The following HTRA3 variants were observed in gnomAD, a reference collection of about 807,000 sequenced individuals.
HTRA3 encodes the protein serine protease HTRA3.
A neutral mutation model predicts 43.2 loss-of-function variants in HTRA3; 41 were observed. That is an observed-to-expected ratio of 0.95 (90% CI 0.74 to 1.23). The LOEUF is 1.23. Ranked by LOEUF, HTRA3 falls within the 50% of genes most tolerant of loss-of-function variation. HTRA3 has a pLI of 0.00. For synonymous variants in HTRA3, 295 were observed against 287.9 expected, an observed-to-expected ratio of 1.02 and a Z score of -0.25; for missense variants, 628 against 647.1, an observed-to-expected ratio of 0.97 and a Z score of 0.32.
intron 6 of HTRA3, among the ~76,000 whole-genome samples, chr4:8,299,028 C>A (rs1299168372): frequency 6.6e-6 from 1 of 152,186 alleles, no homozygotes; most frequent in East Asian, 1.9e-4. Context: ...ATAAAGCCTG[C>A]TGATGATCTG....
intron 2 of HTRA3, among the ~76,000 whole-genome samples, chr4:8,284,769 G>T (rs556379569): frequency 6.6e-6 from 1 of 152,326 alleles, no homozygotes; most frequent in East Asian, 1.9e-4. Context: ...CCCCTGCTTT[G>T]CCCTTTGCCT....
At position 8,296,507 on chromosome 4, in the gene HTRA3, A is replaced by G. The variant is rs1280140498; in HGVS notation, c.1051+2306A>G. 3.0e-6 allele frequency: 3 copies of G among 985,128 alleles called. No homozygotes were observed. Among genetic ancestry groups the G allele is most frequent in the Non-Finnish European group, 3.6e-6 (3 of 829,746 alleles). 61.0% of individuals were successfully genotyped at this position (985,128 alleles called of 1,614,324 possible). On this transcript the variant is annotated intron_variant, in intron 6 of 8. Coordinates refer to ENST00000307358, the MANE Select transcript of HTRA3 (RefSeq NM_053044.5). This position sits in a 1 kb window ranked among gnomAD's most constrained non-coding sequence, Gnocchi z 5.3. The stretch of plus-strand genomic sequence containing the variant: ...AATCTAAAGTTCTTTGAAATGAACC[A>G]TCTTTTTATTAAATCAAGGAGATGT...
At chr4:8,298,405 C>T (rs760070427) in intron 6 of HTRA3, among the ~76,000 whole-genome samples, 4 of 152,190 alleles carry the variant, frequency 2.6e-5, no homozygotes, top group Non-Finnish European at 5.9e-5. Flanking sequence ...TGGATAGGAG[C>T]CCTTTATCAG....
chr4:8,301,703 A>C (rs1297387888), intron 6 of HTRA3, among the ~76,000 whole-genome samples: 2 of 152,198 alleles, frequency 1.3e-5, no homozygotes, highest in African/African-American at 4.8e-5. Flanking sequence ...TCTACAACCT[A>C]CAAATTTTAA....
intron 6 of HTRA3, among the ~76,000 whole-genome samples, chr4:8,301,508 GCTTTATTATTAATTCACACTCAA>G (rs1382957015): frequency 2.0e-5 from 3 of 152,084 alleles, no homozygotes; most frequent in Non-Finnish European, 4.4e-5. Flanking sequence ...CACACTCTCA[GCTTTATTATTAATTCACACTCAA>G]CTTTATTATT....
intron 1 of HTRA3, among the ~76,000 whole-genome samples, chr4:8,273,494 A>G (rs1712381988): frequency 1.3e-5 from 2 of 152,006 alleles, no homozygotes; most frequent in Non-Finnish European, 2.9e-5. Flanking sequence ...CTAGGCAGGA[A>G]GGTCTCCTTG....
intron 7 of HTRA3, 113 bp downstream of exon 7, chr4:8,302,624 G>A: frequency 1.0e-6 from 1 of 960,976 alleles, no homozygotes; most frequent in South Asian, 1.3e-5. Context: ...GCCCAGACGG[G>A]CCGATGCACT....
chr4:8,296,351 G>A lies in HTRA3; in HGVS notation c.1051+2150G>A, dbSNP rs953354510. ...GTGTCCCCTCCCCAAGGACAGTGCA[G>A]ACTAACTGAGGAGCCTGATAAACCT... On this transcript the variant is annotated intron_variant, in intron 6 of 8. Transcript: ENST00000307358. The surrounding 1 kb of genome is among the most constrained non-coding windows in gnomAD (Gnocchi z 5.3). The A allele has an allele frequency of 2.0e-6, 2 of 985,336 alleles. No homozygotes were observed. The highest frequency in any genetic ancestry group is 3.5e-5 in the African/African-American group (2 of 57,234). 61.0% of individuals were successfully genotyped at this position (985,336 alleles called of 1,614,324 possible). A position where few individuals can be genotyped will look rare whatever the true frequency, so the allele number is the denominator to read the frequency against.
At position 8,294,117 on chromosome 4, in the gene HTRA3, A is replaced by C; in HGVS notation, c.967A>C (p.Lys323Gln). The change falls in exon 6 of 9, where the codon AAG becomes CAG. Residue 323 changes from lysine (K) to glutamine (Q), a missense_variant. Lys to Gln is a moderately conservative substitution (Grantham distance 53). Transcript: ENST00000307358. The stretch of plus-strand genomic sequence containing the variant: ...CGAGGTCATTGGCATCAACACGCTC[A>C]AGGTCACGGCTGGCATCTCCTTTGC... ...DGEVIGINTL[K>Q]VTAGISFAIP... 6.2e-7 allele frequency: 1 copy of C among 1,612,246 alleles called. No individual in the cohort carries two copies. The highest frequency in any genetic ancestry group is 8.5e-7 in the Non-Finnish European group (1 of 1,179,130).
At chr4:8,300,841 A>G (rs1470131680) in intron 6 of HTRA3, among the ~76,000 whole-genome samples, 1 of 150,002 alleles carries the variant, frequency 6.7e-6, no homozygotes, top group East Asian at 2.0e-4. Flanking sequence ...TATTAGATTC[A>G]CACTTTATTA....
At chr4:8,302,032 T>C (rs1245209505) in intron 6 of HTRA3, among the ~76,000 whole-genome samples, 1 of 152,194 alleles carries the variant, frequency 6.6e-6, no homozygotes, top group East Asian at 1.9e-4. Flanking sequence ...TAGTACTCAC[T>C]GGACATTAGC....
At chr4:8,270,752 T>A (rs1712237237) in intron 1 of HTRA3, among the ~76,000 whole-genome samples, 2 of 152,178 alleles carry the variant, frequency 1.3e-5, no homozygotes, top group Non-Finnish European at 2.9e-5. Flanking sequence ...TCTTGGGTGA[T>A]GCCTTCTTTC....
Position 8,302,490 on chromosome 4 carries a change from G to C in HTRA3, c.1079G>C (p.Arg360Pro), listed in dbSNP as rs1246074751. Reference sequence around the variant, plus strand: ...TGGAAGAAGCGCTTCATCGGCATACGGATGCGGACGATCACACCAAGGTGA... The same window carrying C: ...TGGAAGAAGCGCTTCATCGGCATACCGATGCGGACGATCACACCAAGGTGA... ...KDWKKRFIGI[R>P]MRTITPSLVD... The change falls in exon 7 of 9, where the codon CGG becomes CCG. Residue 360 changes from arginine to proline, a missense_variant. Physicochemically the swap from Arg to Pro is moderately radical, Grantham distance 103 (BLOSUM62 -2). Transcript: ENST00000307358. 1.9e-6 allele frequency: 3 copies of C among 1,614,034 alleles called. No individual in the cohort carries two copies. The highest frequency in any genetic ancestry group is 2.5e-6 in the Non-Finnish European group (3 of 1,179,992).
intron 2 of HTRA3, among the ~76,000 whole-genome samples, chr4:8,283,063 C>G (rs541421877): frequency 6.6e-6 from 1 of 152,104 alleles, no homozygotes; most frequent in Non-Finnish European, 1.5e-5. Context: ...CACCGAGGCC[C>G]GTGTGGCCGG....
chr4:8,276,749 G>C (rs1712540165), intron 1 of HTRA3, among the ~76,000 whole-genome samples: 1 of 152,238 alleles, frequency 6.6e-6, no homozygotes, highest in South Asian at 2.1e-4. Context: ...CCCACATTGA[G>C]CTCGGGTCTA....
chr4:8,278,279 C>G (rs1237432324), intron 1 of HTRA3, among the ~76,000 whole-genome samples: 1 of 151,980 alleles, frequency 6.6e-6, no homozygotes, highest in East Asian at 1.9e-4. Context: ...TGCGCCCCTT[C>G]CTCTCCTGGG....
chr4:8,301,551 TTTTA>T lies in HTRA3; in HGVS notation c.1052-911_1052-908del, dbSNP rs1163864091. ...ACTCAACTTTATTATTGATTCAGAC[TTTTA>T]ATTATTTTTTTTCTTCTGGTTATTC... On this transcript the variant is annotated intron_variant, in intron 6 of 8. Coordinates refer to ENST00000307358, the MANE Select transcript of HTRA3 (RefSeq NM_053044.5). Among the ~76,000 whole-genome samples the T allele has an allele frequency of 2.0e-5, 3 of 152,202 alleles. No homozygotes were observed. In the East Asian group the frequency reaches 5.8e-4, roughly 29 times the overall value.
chr4:8,304,325 A>C (rs754875276), intron 8 of HTRA3, 46 bp downstream of exon 8: 1 of 1,511,378 alleles, frequency 6.6e-7, no homozygotes, highest in East Asian at 2.3e-5. Flanking sequence ...GGCAGGCGTG[A>C]GGTCTGGGCT....
At position 8,286,157 on chromosome 4, in the gene HTRA3, C is replaced by G. The variant is rs1395589846; in HGVS notation, c.486-404C>G. On this transcript the variant is annotated intron_variant, in intron 2 of 8. Transcript: ENST00000307358. The surrounding 1 kb of genome is among the most constrained non-coding windows in gnomAD (Gnocchi z 4.9). ...TGTCCCATTTCCCAAATGGGGAGAC[C>G]AAGGCTCAGAGAGCTTCACTGACCT... Among the ~76,000 whole-genome samples the G allele has an allele frequency of 6.6e-6, 1 of 152,158 alleles. No homozygotes were observed. Among genetic ancestry groups the G allele is most frequent in the Non-Finnish European group, 1.5e-5 (1 of 68,026 alleles).
Sources: allele counts gnomAD v4.1 joint callset (sites outside exome capture counted in the v4.1 genomes callset), GRCh38; gene constraint gnomAD v4.1.1; non-coding constraint Gnocchi (gnomAD v3.1); transcripts MANE v1.5; gene names NCBI Gene and HGNC (gene_info 2026-07-23, HGNC 2026-07-21).